Variants in SNTG1 observed in about 807,000 individuals in gnomAD.
SNTG1 encodes gamma-1-syntrophin.
In SNTG1, 39 loss-of-function variants were observed where a neutral mutation model predicts 74.7. The ratio of observed to expected loss-of-function variants is 0.52; its 90% CI spans 0.40 to 0.68. SNTG1 has a LOEUF of 0.68. SNTG1 is among the 30% of genes least tolerant of loss of function. The pLI is 0.00. For synonymous variants in SNTG1, 254 were observed against 217.1 expected (o/e 1.17, Z -1.49); for missense variants, 685 against 609.5 (o/e 1.12, Z -1.30).
At chr8:50,791,161 A>G (rs553110236) in intron 18 of SNTG1, among the ~76,000 whole-genome samples, 1 of 151,906 alleles carries the variant, frequency 6.6e-6, no homozygotes, top group East Asian at 1.9e-4. Flanking sequence ...ACCAAGCATT[A>G]TGGGGTGAAT....
At chr8:50,605,617 T>C (rs2094806914) in intron 13 of SNTG1, among the ~76,000 whole-genome samples, 1 of 152,082 alleles carries the variant, frequency 6.6e-6, no homozygotes, top group Admixed American at 6.6e-5. Flanking sequence ...TGCTAGAGGA[T>C]GGGGGAGGGG....
At chr8:50,019,106 G>A (rs926004459) in intron 1 of SNTG1, among the ~76,000 whole-genome samples, 2 of 151,904 alleles carry the variant, frequency 1.3e-5, no homozygotes, top group African/African-American at 4.8e-5. Context: ...AATACGTGTG[G>A]GAATTATTTT....
chr8:50,157,536 G>A lies in SNTG1; in HGVS notation c.-102-15025G>A, dbSNP rs566240568. Among the ~76,000 whole-genome samples the A allele has an allele frequency of 1.2e-4, 18 of 151,956 alleles. No homozygotes were observed. In the East Asian group the frequency reaches 1.4e-3, roughly 11 times the overall value. ...ACACACAATTAAAAACTTATTCTTC[G>A]CATAATTATTATTGTCTTATCAAAA... On this transcript the variant is annotated intron_variant, in intron 1 of 18. Coordinates refer to ENST00000642720, the MANE Select transcript of SNTG1 (RefSeq NM_018967.5).
intron 8 of SNTG1, among the ~76,000 whole-genome samples, chr8:50,475,629 C>G (rs1587746342): frequency 6.6e-6 from 1 of 152,212 alleles, no homozygotes; most frequent in African/African-American, 2.4e-5. Flanking sequence ...AACCAAGAGG[C>G]AATGGTGACA....
At chr8:49,945,493 CA>C (rs1394307757) in intron 1 of SNTG1, among the ~76,000 whole-genome samples, 1 of 152,154 alleles carries the variant, frequency 6.6e-6, no homozygotes, top group Non-Finnish European at 1.5e-5. Context: ...GCAGTTGCCC[CA>C]GTAATGCTGC....
At chr8:50,676,775 C>T (rs2095311161) in intron 15 of SNTG1, among the ~76,000 whole-genome samples, 1 of 151,558 alleles carries the variant, frequency 6.6e-6, no homozygotes, top group Non-Finnish European at 1.5e-5. Context: ...TCTTATAATT[C>T]TCAAAATGTT....
chr8:50,217,267 AG>A, intron 2 of SNTG1, among the ~76,000 whole-genome samples: 1 of 152,244 alleles, frequency 6.6e-6, no homozygotes. Flanking sequence ...AATCTCATGT[AG>A]GAAAAGTGTA....
At chr8:50,185,756 AC>A (rs1387982128) in intron 2 of SNTG1, among the ~76,000 whole-genome samples, 1 of 152,100 alleles carries the variant, frequency 6.6e-6, no homozygotes, top group African/African-American at 2.4e-5. Context: ...CTATTAATGT[AC>A]ATTTCTATGA....
At chr8:50,532,818 A>C (rs1325429860) in intron 10 of SNTG1, among the ~76,000 whole-genome samples, 1 of 152,208 alleles carries the variant, frequency 6.6e-6, no homozygotes, top group Non-Finnish European at 1.5e-5. Flanking sequence ...TATTATAGAC[A>C]GTCTATTTAA....
At position 50,402,303 on chromosome 8, in the gene SNTG1, C is replaced by T; in HGVS notation, c.121C>T (p.Gln41Ter). The change falls in exon 4 of 19, where the codon CAG becomes TAG. Residue 41 changes from glutamine (Q) to a stop codon, truncating the protein, a stop_gained. Coordinates refer to ENST00000642720, the MANE Select transcript of SNTG1 (RefSeq NM_018967.5). LOFTEE classifies it high-confidence loss of function. The part of the protein sequence containing the change: ...LAKDILMIQE[Q>*]DVICVSGEPF... ...CAAAGACATTTTGATGATCCAGGAA[C>T]AGGATGTGATATGTGTGTCTGGTGA... The T allele has an allele frequency of 6.2e-7, 1 of 1,613,510 alleles. No homozygotes were observed. The highest frequency in any genetic ancestry group is 8.5e-7 in the Non-Finnish European group (1 of 1,179,890).
chr8:50,340,325 T>G (rs7012956), intron 2 of SNTG1, among the ~76,000 whole-genome samples: 17,879 of 151,928 alleles, frequency 0.12, 1,090 homozygotes, highest in Middle Eastern at 0.15. Context: ...CTTAAGAGTT[T>G]CTATAAAGCT....
chr8:50,460,546 TAA>T (rs1048493361), intron 8 of SNTG1, among the ~76,000 whole-genome samples: 25 of 152,348 alleles, frequency 1.6e-4, no homozygotes, highest in African/African-American at 6.0e-4. Flanking sequence ...GACTTAGTTA[TAA>T]ATTCTTTCCC....
chr8:50,086,074 A>G (rs1822856935), intron 1 of SNTG1, among the ~76,000 whole-genome samples: 2 of 152,182 alleles, frequency 1.3e-5, no homozygotes, highest in South Asian at 2.1e-4. Context: ...GCAACCAACT[A>G]TGTCCATACA....
At chr8:50,449,442 T>C (rs16914913) in intron 5 of SNTG1, among the ~76,000 whole-genome samples, 13,789 of 152,258 alleles carry the variant, frequency 0.091, 1,932 homozygotes, top group African/African-American at 0.3. Context: ...TGTTGATAAA[T>C]GAAAACTTTC....
At chr8:50,168,803 C>T (rs1013857364) in intron 1 of SNTG1, among the ~76,000 whole-genome samples, 2 of 152,092 alleles carry the variant, frequency 1.3e-5, no homozygotes, top group Non-Finnish European at 2.9e-5. Flanking sequence ...TAGGAAGTTG[C>T]AAAGAAATCT....
At chr8:50,614,867 A>G (rs1167365143) in intron 13 of SNTG1, among the ~76,000 whole-genome samples, 1 of 152,096 alleles carries the variant, frequency 6.6e-6, no homozygotes, top group African/African-American at 2.4e-5. Flanking sequence ...ATTAATTATT[A>G]CTTAATACAA....
At position 50,667,180 on chromosome 8, in the gene SNTG1, G is replaced by A. The variant is rs2095254791; in HGVS notation, c.1038+8517G>A. ...TATTAGGCAAATGCTAAAGGTTTGGGAGAGACCAAAATATTTCCAGCAGAC... is the reference window on the plus strand; with the variant it reads ...TATTAGGCAAATGCTAAAGGTTTGGAAGAGACCAAAATATTTCCAGCAGAC... On this transcript the variant is annotated intron_variant, in intron 15 of 18. Coordinates refer to ENST00000642720, the MANE Select transcript of SNTG1 (RefSeq NM_018967.5). Among the ~76,000 whole-genome samples, 3 of 152,030 alleles carry A rather than the reference G, an allele frequency of 2.0e-5. No individual in the cohort carries two copies. The South Asian group carries it at 6.2e-4, about 31-fold the overall frequency.
At chr8:50,696,173 A>T (rs980863810) in intron 15 of SNTG1, among the ~76,000 whole-genome samples, 1 of 152,062 alleles carries the variant, frequency 6.6e-6, no homozygotes, top group Non-Finnish European at 1.5e-5. Flanking sequence ...CTGGGATAAG[A>T]TGGTATCTCA....
intron 1 of SNTG1, among the ~76,000 whole-genome samples, chr8:50,001,891 G>T (rs1229769230): frequency 1.3e-5 from 2 of 152,150 alleles, no homozygotes; most frequent in East Asian, 3.9e-4. Flanking sequence ...ACAGGGAACT[G>T]AGCTATGTTT....
Sources: gnomAD v4.1 joint callset for allele counts (sites outside exome capture counted in the v4.1 genomes callset) on GRCh38, gnomAD v4.1.1 for gene constraint, MANE v1.5 for transcripts, NCBI Gene and HGNC (gene_info 2026-07-23, HGNC 2026-07-21) for gene names.